TBK1: variants seen among roughly 807,000 people sequenced by gnomAD.
The protein encoded by TBK1 is TANK binding kinase 1.
TBK1 carries 37 observed loss-of-function variants against 99.9 expected under a neutral mutation model. The ratio of observed to expected loss-of-function variants is 0.37; its 90% CI spans 0.28 to 0.49. The LOEUF is 0.49. TBK1 is among the 20% of genes least tolerant of loss of function. The pLI, the probability that TBK1 is intolerant of heterozygous loss-of-function variation, is 0.98. For missense variants in TBK1, 644 were observed against 872.5 expected (o/e 0.74, Z 3.30); for synonymous variants, 258 against 279.8 (o/e 0.92, Z 0.78).
At chr12:64,487,322 T>G (rs1476889382) in intron 11 of TBK1, among the ~76,000 whole-genome samples, 1 of 152,254 alleles carries the variant, frequency 6.6e-6, no homozygotes, top group Non-Finnish European at 1.5e-5. Flanking sequence ...GTATGTGCCC[T>G]TGGACTGTAA....
chr12:64,453,502 G>C (rs1159651518), intron 1 of TBK1, among the ~76,000 whole-genome samples: 1 of 152,118 alleles, frequency 6.6e-6, no homozygotes. Flanking sequence ...CGTATATAAA[G>C]TTTATCTAAA....
chr12:64,473,795 G>C (rs1302030541), intron 5 of TBK1, among the ~76,000 whole-genome samples: 1 of 152,092 alleles, frequency 6.6e-6, no homozygotes, highest in African/African-American at 2.4e-5. Context: ...AAATTAGCTA[G>C]GCATCATGGC....
chr12:64,477,869 G>A (rs2040730403), intron 6 of TBK1, among the ~76,000 whole-genome samples: 2 of 151,012 alleles, frequency 1.3e-5, no homozygotes, highest in Non-Finnish European at 3.0e-5. Flanking sequence ...TAATTACTGT[G>A]TATAAAGTCA....
At chr12:64,453,847 G>C (rs2040455592) in intron 1 of TBK1, among the ~76,000 whole-genome samples, 1 of 152,176 alleles carries the variant, frequency 6.6e-6, no homozygotes, top group Admixed American at 6.5e-5. Context: ...TTAAAGACTT[G>C]ATAATACAGG....
At chr12:64,477,872 TAA>T (rs557457215) in intron 6 of TBK1, among the ~76,000 whole-genome samples, 23 of 151,012 alleles carry the variant, frequency 1.5e-4, no homozygotes, top group Admixed American at 2.0e-4. Context: ...TTACTGTGTA[TAA>T]AGTCATTTTT....
chr12:64,465,615 A>C (rs907522091), intron 4 of TBK1, among the ~76,000 whole-genome samples: 30 of 152,244 alleles, frequency 2.0e-4, no homozygotes, highest in African/African-American at 7.0e-4. Context: ...GATATGAAGT[A>C]GTTATATATG....
chr12:64,500,028 C>T (rs1265708638), intron 20 of TBK1, among the ~76,000 whole-genome samples: 3 of 152,122 alleles, frequency 2.0e-5, no homozygotes, highest in Non-Finnish European at 2.9e-5. Flanking sequence ...TATTTAACTA[C>T]TTATGCCTTG....
chr12:64,456,035 T>C, intron 2 of TBK1, 78 bp downstream of exon 2: 1 of 1,012,448 alleles, frequency 9.9e-7, no homozygotes, highest in South Asian at 1.6e-5. Context: ...CACTAAAGTG[T>C]GTGACTTGGT....
rs554106578 is a variant in TBK1, at chr12:64,454,928, C to T, written c.-31-912C>T. Among the ~76,000 whole-genome samples, 7 of 151,622 alleles carry T rather than the reference C, an allele frequency of 4.6e-5. No homozygotes were observed. In the East Asian group the frequency reaches 5.8e-4, roughly 13 times the overall value. ...TCCTGACCTCGTGATCCGCCCGCCT[C>T]GGCCTCCCAAAGTGCTGGGATTACA... On this transcript the variant is annotated intron_variant, in intron 1 of 20. Transcript: ENST00000331710.
intron 13 of TBK1, among the ~76,000 whole-genome samples, chr12:64,495,000 T>G (rs1183724932): frequency 6.6e-6 from 1 of 152,264 alleles, no homozygotes; most frequent in African/African-American, 2.4e-5. Context: ...CTTACTAAGC[T>G]TAAAATGAAC....
Position 64,460,120 on chromosome 12 carries a change from C to T in TBK1, c.88-69C>T, listed in dbSNP as rs1050185714. Reference sequence around the variant, plus strand: ...AGAAAATAAGTTGCAATAGCGAGTTCTAATGCTACCTTTTAATCTCTTTTA... The same window carrying T: ...AGAAAATAAGTTGCAATAGCGAGTTTTAATGCTACCTTTTAATCTCTTTTA... On this transcript the variant is annotated intron_variant, in intron 2 of 20. Transcript: ENST00000331710. The T allele has an allele frequency of 2.7e-6, 3 of 1,099,776 alleles. No individual in the cohort carries two copies. In the African/African-American group the frequency reaches 4.9e-5, roughly 18 times the overall value. 68.1% of individuals were successfully genotyped at this position (1,099,776 alleles called of 1,614,324 possible).
At chr12:64,495,821 A>G in intron 15 of TBK1, 46 bp downstream of exon 15, 1 of 1,397,434 alleles carries the variant, frequency 7.2e-7, no homozygotes, top group South Asian at 1.4e-5. Flanking sequence ...CCCTCTTAGT[A>G]ATTAGTTATA....
Position 64,497,987 on chromosome 12 carries a change from G to A in TBK1, c.2086G>A (p.Glu696Lys), listed in dbSNP as rs748112833. 4 of 1,603,392 alleles carry A rather than the reference G, an allele frequency of 2.5e-6. No homozygotes were observed. Among genetic ancestry groups the A allele is most frequent in the Non-Finnish European group, 3.4e-6 (4 of 1,177,428 alleles). Residue 696 changes from glutamate to lysine, a missense_variant, in exon 20 of 21, where the codon GAG (glutamate) becomes AAG (lysine). Physicochemically the swap from Glu to Lys is moderately conservative, Grantham distance 56. Around this residue, in one of 3 missense-constraint regions of TBK1, gnomAD observed 465 missense variants for 588.0 expected, o/e 0.79. Transcript: ENST00000331710. ...TATTAGTATGAAGAAATTAAAGGAA[G>A]AGATGGAAGGGGTGGTTAAAGAACT... The part of the protein sequence containing the change: ...MTLGMKKLKE[E>K]MEGVVKELAE...
At chr12:64,455,103 C>A (rs917352899) in intron 1 of TBK1, among the ~76,000 whole-genome samples, 1 of 150,994 alleles carries the variant, frequency 6.6e-6, no homozygotes, top group Non-Finnish European at 1.5e-5. Context: ...TCTCCTGTTG[C>A]AGCCTCCCGA....
At chr12:64,488,714 C>G (rs1362602379) in intron 12 of TBK1, 126 bp downstream of exon 12, 1 of 714,330 alleles carries the variant, frequency 1.4e-6, no homozygotes, top group Non-Finnish European at 2.3e-6. Context: ...AGATCAGCGG[C>G]CTGGCACGGT....
At chr12:64,484,530 T>C (rs776506995) in intron 9 of TBK1, 31 bp downstream of exon 9, 10 of 1,571,948 alleles carry the variant, frequency 6.4e-6, no homozygotes, top group East Asian at 2.3e-5. Flanking sequence ...TCGTTCTTAC[T>C]AGCCATTAGA....
At chr12:64,457,455 G>A (rs975559535) in intron 2 of TBK1, among the ~76,000 whole-genome samples, 9 of 152,178 alleles carry the variant, frequency 5.9e-5, no homozygotes, top group Admixed American at 3.9e-4. Context: ...TTGAGAACAC[G>A]TCTGATCATC....
Position 64,485,514 on chromosome 12 carries a change from GT to G in TBK1, c.1248+3del. 1 of 1,512,446 alleles carries G rather than the reference GT, an allele frequency of 6.6e-7. No homozygotes were observed. Among genetic ancestry groups the G allele is most frequent in the Non-Finnish European group, 9.1e-7 (1 of 1,102,846 alleles). 93.7% of individuals were successfully genotyped at this position (1,512,446 alleles called of 1,614,324 possible). A position where few individuals can be genotyped will look rare whatever the true frequency, so the allele number is the denominator to read the frequency against. ...AGACGGGGATGCTAGCATGGCTAAG[GT>G]TAGTATTTAATTTAATTACTATGTA... On this transcript the variant is annotated splice_donor_variant, in intron 10 of 20. Transcript: ENST00000331710. LOFTEE classifies it high-confidence loss of function.
intron 3 of TBK1, among the ~76,000 whole-genome samples, chr12:64,461,517 A>T (rs913764901): frequency 6.6e-6 from 1 of 152,220 alleles, no homozygotes; most frequent in African/African-American, 2.4e-5. Context: ...TGAAGATGTT[A>T]ATTGGCATCC....
Sources: allele counts gnomAD v4.1 joint callset (sites outside exome capture counted in the v4.1 genomes callset), GRCh38; gene constraint gnomAD v4.1.1; regional missense constraint gnomAD v4.1.1; transcripts MANE v1.5; gene names NCBI Gene and HGNC (gene_info 2026-07-23, HGNC 2026-07-21).